The following TBX20 variants were observed in gnomAD, a reference collection of about 807,000 sequenced individuals.
The protein encoded by TBX20 is T-box transcription factor TBX20.
A neutral mutation model predicts 42.9 loss-of-function variants in TBX20; 8 were observed. The ratio of observed to expected loss-of-function variants is 0.19; its 90% CI spans 0.11 to 0.34. The LOEUF (loss-of-function observed/expected upper bound fraction) is 0.34. TBX20 is among the 10% of genes least tolerant of loss of function. TBX20 has a pLI of 1.00. For synonymous variants in TBX20, 198 were observed against 222.8 expected, an observed-to-expected ratio of 0.89 and a Z score of 0.99; for missense variants, 411 against 566.0, an observed-to-expected ratio of 0.73 and a Z score of 2.78.
chr7:35,253,689 A>G lies in TBX20; in HGVS notation c.-69T>C. The G allele has an allele frequency of 6.3e-7, 1 of 1,575,598 alleles. No individual in the cohort carries two copies. The highest frequency in any genetic ancestry group is 1.1e-5 in the South Asian group (1 of 87,806). Reference sequence around the variant, plus strand: ...CTGCCGTCCAGATTCCCCAAGGGAGACAAAGACCCGAAACACAGCTCAAAG... The same window carrying G: ...CTGCCGTCCAGATTCCCCAAGGGAGGCAAAGACCCGAAACACAGCTCAAAG... On this transcript the variant is annotated 5_prime_UTR_variant, in exon 1 of 8. Transcript: ENST00000408931.
chr7:35,253,442 C>A, intron 1 of TBX20, 52 bp downstream of exon 1: 1 of 1,577,436 alleles, frequency 6.3e-7, no homozygotes, highest in Non-Finnish European at 8.6e-7. Flanking sequence ...GGGGCACAGA[C>A]GGATGCGCAG....
chr7:35,210,332 G>T (rs562620347), intron 6 of TBX20, among the ~76,000 whole-genome samples: 106 of 151,882 alleles, frequency 7.0e-4, no homozygotes, highest in South Asian at 2.1e-3. Flanking sequence ...AGCCAGGATG[G>T]TCTCGATCTC....
At chr7:35,221,674 T>C (rs1789686926) in intron 6 of TBX20, among the ~76,000 whole-genome samples, 2 of 152,208 alleles carry the variant, frequency 1.3e-5, no homozygotes, top group Non-Finnish European at 2.9e-5. Flanking sequence ...ATGCAAGAAC[T>C]CATAAAGAAG....
At chr7:35,244,025 T>C (rs557957235) in intron 4 of TBX20, among the ~76,000 whole-genome samples, 1 of 152,358 alleles carries the variant, frequency 6.6e-6, no homozygotes, top group South Asian at 2.1e-4. Context: ...CTAAATTGCA[T>C]AGATTTGATC....
intron 6 of TBX20, among the ~76,000 whole-genome samples, chr7:35,222,226 G>C (rs1789695366): frequency 6.6e-6 from 1 of 151,904 alleles, no homozygotes; most frequent in Admixed American, 6.6e-5. Flanking sequence ...ATAAGAATAA[G>C]TTTCTTTGTT....
Position 35,250,088 on chromosome 7 carries a change from G to A in TBX20, c.243C>T (p.Cys81=). ...GGGTGGTGGGGATCAGTGGCTCAGT[G>A]CACAGAGAGGAGGAGGACGGGCTGC... ...SGSSPSSSSL[C]TEPLIPTTPI... is the part of the protein sequence containing the mutation. The change falls in exon 2 of 8, where the codon TGC becomes TGT. Residue 81 remains cysteine (C), a synonymous_variant. Transcript: ENST00000408931. 6.2e-7 allele frequency: 1 copy of A among 1,613,832 alleles called. No homozygotes were observed. The highest frequency in any genetic ancestry group is 1.3e-5 in the African/African-American group (1 of 74,994).
At chr7:35,235,961 T>G (rs1433826993) in intron 5 of TBX20, among the ~76,000 whole-genome samples, 1 of 152,104 alleles carries the variant, frequency 6.6e-6, no homozygotes, top group Non-Finnish European at 1.5e-5. Context: ...GACCTACACT[T>G]CAACTCTACA....
intron 5 of TBX20, 131 bp from the exon 6 acceptor site, chr7:35,231,711 A>G: frequency 2.8e-6 from 2 of 703,472 alleles, no homozygotes; most frequent in East Asian, 2.9e-5. Flanking sequence ...AAGGGTGGAA[A>G]ATGCTACACA....
chr7:35,204,560 G>T lies in TBX20; in HGVS notation c.913C>A (p.Gln305Lys). ...IERESVESLIQKHSYARSPIR... is the reference protein window; with the variant it reads ...IERESVESLIKKHSYARSPIR... ...GGTGAGCGTGCATAGGAATGCTTTT[G>T]AATCAGGCTCTCCACACTTTCCCTA... The change falls in exon 7 of 8, where the codon CAA becomes AAA. Residue 305 changes from glutamine (Q) to lysine (K), a missense_variant. Gln to Lys is a moderately conservative substitution (Grantham distance 53, BLOSUM62 1). This residue lies in a region of TBX20 where 162 missense variants were observed against 205.4 expected (regional missense o/e 0.79). Transcript: ENST00000408931. 1 of 1,613,788 alleles carries T rather than the reference G, an allele frequency of 6.2e-7. No homozygotes were observed. Among genetic ancestry groups the T allele is most frequent in the Admixed American group, 1.7e-5 (1 of 60,008 alleles).
At chr7:35,230,155 T>C (rs1789843464) in intron 6 of TBX20, among the ~76,000 whole-genome samples, 1 of 152,136 alleles carries the variant, frequency 6.6e-6, no homozygotes, top group Non-Finnish European at 1.5e-5. Flanking sequence ...CCCAACTACA[T>C]AAACCCGGTC....
At chr7:35,222,585 T>C (rs1393668988) in intron 6 of TBX20, among the ~76,000 whole-genome samples, 2 of 152,170 alleles carry the variant, frequency 1.3e-5, no homozygotes, top group African/African-American at 4.8e-5. Context: ...GGGTGCTCAC[T>C]GTGTGCCAGA....
At chr7:35,247,738 T>G (rs1790221728) in intron 3 of TBX20, among the ~76,000 whole-genome samples, 1 of 152,072 alleles carries the variant, frequency 6.6e-6, no homozygotes, top group South Asian at 2.1e-4. Context: ...AATTAGTCAT[T>G]AAACAACAAA....
chr7:35,219,895 T>G (rs1345712192), intron 6 of TBX20, among the ~76,000 whole-genome samples: 2 of 152,224 alleles, frequency 1.3e-5, no homozygotes, highest in African/African-American at 4.8e-5. Flanking sequence ...CCACTGGGCT[T>G]ATGTCCAAAC....
chr7:35,247,798 A>G (rs1790222696), intron 3 of TBX20, among the ~76,000 whole-genome samples: 1 of 152,242 alleles, frequency 6.6e-6, no homozygotes, highest in Non-Finnish European at 1.5e-5. Flanking sequence ...AAGAAAAGCT[A>G]TGAGGCTGGG....
In TBX20 at chr7:35,248,846, C is replaced by CAG. The variant is rs147314121; in HGVS notation, c.381-7_381-6dup. ...CGGATGGTTGGAAACATCCTCCTGACAGAGAGAGAGAGAGAGAATGGGCCC... is the reference window on the plus strand; with the variant it reads ...CGGATGGTTGGAAACATCCTCCTGACAGAGAGAGAGAGAGAGAGAATGGGCCC... On this transcript the variant is annotated splice_region_variant and splice_polypyrimidine_tract_variant and intron_variant, in intron 2 of 7. Coordinates refer to ENST00000408931, the MANE Select transcript of TBX20 (RefSeq NM_001077653.2). 410 of 1,489,928 alleles carry CAG rather than the reference C, an allele frequency of 2.8e-4. No homozygotes were observed. The highest frequency in any genetic ancestry group is 3.2e-4 in the Admixed American group (18 of 56,840). The allele number at this position is 1,489,928 out of a possible 1,614,324, so 92.3% of individuals were successfully genotyped here.
chr7:35,208,568 C>T (rs916681705), intron 6 of TBX20, among the ~76,000 whole-genome samples: 1 of 151,742 alleles, frequency 6.6e-6, no homozygotes, highest in South Asian at 2.1e-4. Flanking sequence ...CATGGAGAAA[C>T]CCCGTCTCTA....
intron 6 of TBX20, among the ~76,000 whole-genome samples, chr7:35,226,475 G>C (rs1789773187): frequency 1.3e-5 from 2 of 150,050 alleles, no homozygotes; most frequent in South Asian, 4.2e-4. Context: ...GTTCACCTAC[G>C]AAACTGGCAA....
chr7:35,207,462 T>C (rs963068146), intron 6 of TBX20, among the ~76,000 whole-genome samples: 9 of 152,224 alleles, frequency 5.9e-5, no homozygotes, highest in Non-Finnish European at 7.3e-5. Context: ...AAACAGTTTC[T>C]TTTCAAAAGC....
intron 5 of TBX20, among the ~76,000 whole-genome samples, chr7:35,238,108 T>C (rs1483734671): frequency 1.3e-5 from 2 of 152,180 alleles, no homozygotes; most frequent in African/African-American, 2.4e-5. Flanking sequence ...AACTGTACGA[T>C]GCTGAATAAA....
Sources: gnomAD v4.1 joint callset for allele counts (sites outside exome capture counted in the v4.1 genomes callset) on GRCh38, gnomAD v4.1.1 for gene constraint, gnomAD v4.1.1 regional missense constraint, MANE v1.5 for transcripts, NCBI Gene and HGNC (gene_info 2026-07-23, HGNC 2026-07-21) for gene names.